SLC3A1: variants seen among roughly 807,000 people sequenced by gnomAD.
SLC3A1 encodes solute carrier family 3 member 1.
SLC3A1 carries 78 observed loss-of-function variants against 60.3 expected under a neutral mutation model. The ratio of observed to expected loss-of-function variants is 1.29; its 90% CI spans 1.08 to 1.56. The LOEUF is 1.56. Among genes scored for constraint, SLC3A1 ranks in the 40% most tolerant of loss-of-function variants. SLC3A1 has a pLI of 0.00. For synonymous variants in SLC3A1, 392 were observed against 307.9 expected (o/e 1.27, Z -2.86); for missense variants, 1,172 against 858.9 (o/e 1.36, Z -4.56).
chr2:44,281,629 A>G (rs1462269449), intron 3 of SLC3A1, 88 bp downstream of exon 3: 2 of 1,248,512 alleles, frequency 1.6e-6, no homozygotes, highest in Middle Eastern at 1.9e-4. Flanking sequence ...TTGAGGGAAA[A>G]ATGAATGAAT....
chr2:44,302,678 A>G (rs1234094864), intron 6 of SLC3A1, among the ~76,000 whole-genome samples: 4 of 152,240 alleles, frequency 2.6e-5, no homozygotes, highest in Admixed American at 6.5e-5. Flanking sequence ...TCAGCAATTG[A>G]GAGTGCACAC....
intron 4 of SLC3A1, among the ~76,000 whole-genome samples, chr2:44,287,959 C>T (rs2104345201): frequency 6.6e-6 from 1 of 152,186 alleles, no homozygotes; most frequent in East Asian, 1.9e-4. Flanking sequence ...CCATAAAATT[C>T]ACCCCTTTTG....
intron 7 of SLC3A1, among the ~76,000 whole-genome samples, chr2:44,312,162 A>ATG (rs1672313909): frequency 1.3e-5 from 2 of 152,198 alleles, no homozygotes; most frequent in African/African-American, 4.8e-5. Flanking sequence ...TTTACTTTAA[A>ATG]AATTTTGTCT....
intron 5 of SLC3A1, 92 bp from the exon 6 acceptor site, chr2:44,300,911 C>G (rs1558462387): frequency 6.7e-7 from 1 of 1,484,736 alleles, no homozygotes; most frequent in African/African-American, 1.4e-5. Context: ...TTGGCTTGAG[C>G]CCTTTGAAGA....
rs1350360747 is a variant in SLC3A1, at chr2:44,280,864, T to A, written c.579T>A (p.Phe193Leu). Residue 193 changes from phenylalanine to leucine, a missense_variant, in exon 2 of 10, where the codon TTT becomes TTA. Physicochemically the swap from Phe to Leu is conservative, Grantham distance 22. Coordinates refer to ENST00000260649, the MANE Select transcript of SLC3A1 (RefSeq NM_000341.4). ...VDPIFGTMED[F>L]ENLVAAIHDK... ...CCATTTTTGGAACGATGGAAGATTT[T>A]GAGAATCTGGTTGCAGCCATACATG... 1 of 1,614,066 alleles carries A rather than the reference T, an allele frequency of 6.2e-7. No homozygotes were observed. The highest frequency in any genetic ancestry group is 8.5e-7 in the Non-Finnish European group (1 of 1,180,020).
At chr2:44,321,601 C>T (rs1295113423), downstream of SLC3A1, 1 of 1,482,446 alleles carries the variant, frequency 6.7e-7, no homozygotes, top group Non-Finnish European at 8.9e-7. Flanking sequence ...AGGCTTCCAA[C>T]AATTAAGATT....
At chr2:44,315,923 G>A (rs1376500840) in intron 9 of SLC3A1, among the ~76,000 whole-genome samples, 2 of 152,142 alleles carry the variant, frequency 1.3e-5, no homozygotes, top group Non-Finnish European at 2.9e-5. Context: ...GTCCCCTGGC[G>A]AGAATTCACT....
rs76549899 is a variant in SLC3A1 at position 44,283,669 on chromosome 2, T to C, written c.765+2128T>C. ...TGATCCAGTTTTTCCATTGCTTTTT[T>C]AGTTCTCCACTATAGTCAAGGTTGC... On this transcript the variant is annotated intron_variant, in intron 3 of 9. Transcript: ENST00000260649. 2.0e-3 allele frequency among the ~76,000 whole-genome samples: 304 copies of C among 152,318 alleles called. 1 individual carries two copies. Among genetic ancestry groups the C allele is most frequent in the Non-Finnish European group, 3.8e-3 (256 of 68,030 alleles).
intron 7 of SLC3A1, among the ~76,000 whole-genome samples, chr2:44,310,941 C>T (rs56733642): frequency 0.094 from 14,273 of 151,984 alleles, 722 homozygotes; most frequent in Non-Finnish European, 0.11. Context: ...ACTACAGGTG[C>T]ATGCCACCAT....
At position 44,280,892 on chromosome 2, in the gene SLC3A1, A is replaced by G; in HGVS notation, c.607A>G (p.Lys203Glu). The G allele has an allele frequency of 6.2e-7, 1 of 1,614,004 alleles. No individual in the cohort carries two copies. Among genetic ancestry groups the G allele is most frequent in the Non-Finnish European group, 8.5e-7 (1 of 1,179,882 alleles). Reference sequence around the variant, plus strand: ...GAATCTGGTTGCAGCCATACATGATAAAGGTAAGTTGAATGGAAAGTGGGC... The same window carrying G: ...GAATCTGGTTGCAGCCATACATGATGAAGGTAAGTTGAATGGAAAGTGGGC... ...FENLVAAIHD[K>E]GLKLIIDFIP... Residue 203 changes from lysine (K) to glutamate (E), a missense_variant, in exon 2 of 10, where the codon AAA (lysine) becomes GAA (glutamate). Lys to Glu is a moderately conservative substitution (Grantham distance 56). Coordinates refer to ENST00000260649, the MANE Select transcript of SLC3A1 (RefSeq NM_000341.4).
At chr2:44,314,422 G>T in intron 9 of SLC3A1, 1 of 212,636 alleles carries the variant, frequency 4.7e-6, no homozygotes, top group Non-Finnish European at 9.5e-6. Flanking sequence ...TGGTTGCTCT[G>T]GCATACTAAT....
chr2:44,313,606 C>T (rs145557496), intron 8 of SLC3A1, among the ~76,000 whole-genome samples: 57 of 152,238 alleles, frequency 3.7e-4, no homozygotes, highest in Admixed American at 2.0e-3. Context: ...TATTAAAGTT[C>T]GATTAGTATT....
rs746008808 is a variant in SLC3A1, at chr2:44,286,024, T to C, written c.766-8T>C. ...GGTCACTGATGTGCTGTTTTCTTTG[T>C]TTGCCAGTTAAGTGTGTATGGAAAC... On this transcript the variant is annotated splice_polypyrimidine_tract_variant and splice_region_variant and intron_variant, in intron 3 of 9. Coordinates refer to ENST00000260649, the MANE Select transcript of SLC3A1 (RefSeq NM_000341.4). 1 of 1,614,148 alleles carries C rather than the reference T, an allele frequency of 6.2e-7. No homozygotes were observed. Among genetic ancestry groups the C allele is most frequent in the African/African-American group, 1.3e-5 (1 of 75,062 alleles).
chr2:44,304,813 ATTTTTT>A lies in SLC3A1; in HGVS notation c.1332+497_1332+502del, dbSNP rs70965349. 6.4e-3 allele frequency among the ~76,000 whole-genome samples: 548 copies of A among 85,886 alleles called. 3 individuals carry two copies. The highest frequency in any genetic ancestry group is 0.022 in the African/African-American group (467 of 21,590). 56.3% of individuals were successfully genotyped at this position (85,886 alleles called of 152,430 possible). A position where few individuals can be genotyped will look rare whatever the true frequency, so the allele number is the denominator to read the frequency against. ...CTTCTGTACTACACTCTTGAAAACA[ATTTTTT>A]TTTTTTTTTTTTTTTTTTTTTGAGA... is the stretch of plus-strand genomic sequence containing the variant. On this transcript the variant is annotated intron_variant, in intron 7 of 9. Coordinates refer to ENST00000260649, the MANE Select transcript of SLC3A1 (RefSeq NM_000341.4).
chr2:44,311,549 C>T (rs1672297701), intron 7 of SLC3A1, among the ~76,000 whole-genome samples: 2 of 151,852 alleles, frequency 1.3e-5, no homozygotes, highest in Non-Finnish European at 2.9e-5. Flanking sequence ...GCTCTATGTC[C>T]AGAAGTCTTG....
At chr2:44,299,899 T>C in intron 4 of SLC3A1, 72 bp from the exon 5 acceptor site, 1 of 1,525,138 alleles carries the variant, frequency 6.6e-7, no homozygotes, top group South Asian at 1.1e-5. Context: ...TTGTTAACAG[T>C]CAAAACTTTG....
intron 2 of SLC3A1, 61 bp downstream of exon 2, chr2:44,280,956 T>A: frequency 7.0e-7 from 1 of 1,419,740 alleles, no homozygotes; most frequent in Non-Finnish European, 1.0e-6. Flanking sequence ...CTTTTTCAAA[T>A]GTTTACTTAA....
At chr2:44,314,257 T>C in intron 9 of SLC3A1, 1 of 612,048 alleles carries the variant, frequency 1.6e-6, no homozygotes, top group East Asian at 2.9e-5. Context: ...CTAGCCCAGC[T>C]GCCTTTCCTC....
chr2:44,301,717 C>A (rs1220345030), intron 6 of SLC3A1, among the ~76,000 whole-genome samples: 1 of 122,458 alleles, frequency 8.2e-6, no homozygotes, highest in Admixed American at 1.1e-4. Flanking sequence ...CCAGCCTGGG[C>A]GACAGAGCGA....
Sources: gnomAD v4.1 joint callset for allele counts (sites outside exome capture counted in the v4.1 genomes callset) on GRCh38, gnomAD v4.1.1 for gene constraint, MANE v1.5 for transcripts, NCBI Gene and HGNC (gene_info 2026-07-23, HGNC 2026-07-21) for gene names.